The following CCDC7 variants were observed in gnomAD, a reference collection of about 807,000 sequenced individuals.
The protein encoded by CCDC7 is coiled-coil domain containing 7, also known as coiled-coil domain-containing protein 7.
CCDC7 carries 183 observed loss-of-function variants against 196.9 expected under a neutral mutation model. That is an observed-to-expected ratio of 0.93 (90% CI 0.82 to 1.05). The LOEUF (loss-of-function observed/expected upper bound fraction) is 1.05. CCDC7 is among the 50% of genes least tolerant of loss of function. CCDC7 has a pLI of 0.00. For synonymous variants in CCDC7, 525 were observed against 484.6 expected (o/e 1.08, Z -1.10); for missense variants, 1,540 against 1,482.2 (o/e 1.04, Z -0.64).
chr10:32,451,762 T>G lies in CCDC7; in HGVS notation c.120T>G (p.Asn40Lys), dbSNP rs766126726. 4 of 1,613,998 alleles carry G rather than the reference T, an allele frequency of 2.5e-6. No homozygotes were observed. In the East Asian group the frequency reaches 8.9e-5, roughly 36 times the overall value. The change falls in exon 1 of 42, where the codon AAT becomes AAG. Residue 40 changes from asparagine to lysine, a missense_variant. Transcript: ENST00000639629. ...CACCTGAGCTAAAGGAAAAACATAA[T>G]GCAAAATTAATTCATGATAAAATTG...
intron 18 of CCDC7, among the ~76,000 whole-genome samples, chr10:32,598,210 G>A (rs904807012): frequency 6.6e-6 from 1 of 152,152 alleles, no homozygotes; most frequent in Middle Eastern, 3.2e-3. Context: ...AATGGTGGAT[G>A]CCCCACCCCC....
intron 31 of CCDC7, among the ~76,000 whole-genome samples, chr10:32,818,639 T>C (rs1456473221): frequency 6.6e-6 from 1 of 152,160 alleles, no homozygotes; most frequent in East Asian, 1.9e-4. Context: ...ACAAACTGTC[T>C]CTCAGACCAC....
At chr10:32,706,327 G>A (rs2079748153) in intron 24 of CCDC7, among the ~76,000 whole-genome samples, 1 of 152,106 alleles carries the variant, frequency 6.6e-6, no homozygotes, top group Non-Finnish European at 1.5e-5. Context: ...GCAGTATGTA[G>A]AGGGAAATTT....
intron 41 of CCDC7, among the ~76,000 whole-genome samples, chr10:32,864,040 T>TAATTTTATA (rs1408433068): frequency 6.7e-6 from 1 of 150,282 alleles, no homozygotes; most frequent in African/African-American, 2.4e-5. Context: ...GCTAATATCC[T>TAATTTTATA]AATTTTATAA....
chr10:32,614,898 G>C (rs1172773125), intron 18 of CCDC7, among the ~76,000 whole-genome samples: 1 of 152,090 alleles, frequency 6.6e-6, no homozygotes, highest in Admixed American at 6.6e-5. Context: ...TGCAGTTTTT[G>C]ATTTCCATTT....
chr10:32,796,680 C>T (rs2083607605), intron 29 of CCDC7, among the ~76,000 whole-genome samples: 1 of 152,266 alleles, frequency 6.6e-6, no homozygotes, highest in South Asian at 2.1e-4. Flanking sequence ...ATCAGAGGAC[C>T]TTTGCACTTG....
At chr10:32,717,151 C>A (rs1358403409) in intron 25 of CCDC7, among the ~76,000 whole-genome samples, 1 of 152,148 alleles carries the variant, frequency 6.6e-6, no homozygotes, top group African/African-American at 2.4e-5. Flanking sequence ...AACTCCTCAG[C>A]AAATGCAAAA....
chr10:32,598,553 AC>A (rs1238634276), intron 18 of CCDC7, among the ~76,000 whole-genome samples: 1 of 152,118 alleles, frequency 6.6e-6, no homozygotes, highest in Non-Finnish European at 1.5e-5. Flanking sequence ...TGCAGAAATC[AC>A]CTGTCTTCTG....
exon 17 of CCDC7, chr10:32,583,279 T>C (rs1158514908): frequency 2.4e-6 from 3 of 1,231,296 alleles, no homozygotes; most frequent in African/African-American, 3.1e-5. Context: ...CCATTCATTT[T>C]ACCTCCTGTT....
chr10:32,482,215 A>G (rs1202898879), intron 8 of CCDC7, among the ~76,000 whole-genome samples: 1 of 151,612 alleles, frequency 6.6e-6, no homozygotes, highest in Non-Finnish European at 1.5e-5. Flanking sequence ...AAATTTTTAC[A>G]TATTTAGAGG....
At chr10:32,482,713 TGTTCA>T (rs1435237108) in intron 8 of CCDC7, among the ~76,000 whole-genome samples, 1 of 152,146 alleles carries the variant, frequency 6.6e-6, no homozygotes, top group African/African-American at 2.4e-5. Context: ...GTGTTCTCAT[TGTTCA>T]GTTCCCACCT....
At chr10:32,810,064 GAACTCA>G (rs1286270841) in intron 30 of CCDC7, among the ~76,000 whole-genome samples, 2 of 134,952 alleles carry the variant, frequency 1.5e-5, no homozygotes, top group East Asian at 3.9e-4. Flanking sequence ...GGAAGAAAAA[GAACTCA>G]AATGTTACTA....
At chr10:32,874,779 CACACAT>C (rs961629749) in intron 41 of CCDC7, among the ~76,000 whole-genome samples, 8 of 150,968 alleles carry the variant, frequency 5.3e-5, no homozygotes, top group African/African-American at 1.9e-4. Context: ...CACACACACA[CACACAT>C]ATATACACAC....
At chr10:32,572,585 A>G (rs2057705644) in intron 16 of CCDC7, among the ~76,000 whole-genome samples, 1 of 152,260 alleles carries the variant, frequency 6.6e-6, no homozygotes, top group East Asian at 1.9e-4. Flanking sequence ...TTTGTAGTGA[A>G]TGTTTATATT....
intron 9 of CCDC7, among the ~76,000 whole-genome samples, chr10:32,505,123 C>T (rs1381894758): frequency 1.3e-5 from 2 of 151,456 alleles, no homozygotes; most frequent in Non-Finnish European, 2.9e-5. Flanking sequence ...GTTATAACCT[C>T]TTGATGGATT....
intron 28 of CCDC7, among the ~76,000 whole-genome samples, chr10:32,740,918 C>T (rs1381336876): frequency 2.1e-5 from 3 of 141,132 alleles, no homozygotes; most frequent in Admixed American, 1.4e-4. Flanking sequence ...TGAATGATGG[C>T]TTTCCATACA....
chr10:32,678,054 T>C (rs2075304164), intron 21 of CCDC7, among the ~76,000 whole-genome samples: 1 of 152,108 alleles, frequency 6.6e-6, no homozygotes, highest in African/African-American at 2.4e-5. Flanking sequence ...AGACTTTCTG[T>C]TGGTTTACAT....
chr10:32,554,580 C>T (rs995022115), intron 13 of CCDC7, among the ~76,000 whole-genome samples: 1 of 152,166 alleles, frequency 6.6e-6, no homozygotes, highest in East Asian at 1.9e-4. Context: ...ACAAACAGAC[C>T]TTCTGTTTCT....
intron 28 of CCDC7, among the ~76,000 whole-genome samples, chr10:32,744,210 A>G (rs2074313194): frequency 6.6e-6 from 1 of 152,152 alleles, no homozygotes; most frequent in Non-Finnish European, 1.5e-5. Flanking sequence ...AAGAACAAAT[A>G]ATGTGAATGA....
Sources: allele counts gnomAD v4.1 joint callset (sites outside exome capture counted in the v4.1 genomes callset), GRCh38; gene constraint gnomAD v4.1.1; transcripts MANE v1.5; gene names NCBI Gene and HGNC (gene_info 2026-07-23, HGNC 2026-07-21).